Variants in CCDC7 observed in about 807,000 individuals in gnomAD.
CCDC7 encodes coiled-coil domain-containing protein 7.
In CCDC7, 183 loss-of-function variants were observed where a neutral mutation model predicts 196.9. The ratio of observed to expected loss-of-function variants is 0.93; its 90% CI spans 0.82 to 1.05. The LOEUF (loss-of-function observed/expected upper bound fraction) is 1.05, where lower values mean the gene tolerates loss of function less well. CCDC7 is among the 50% of genes least tolerant of loss of function. CCDC7 has a pLI of 0.00. For missense variants in CCDC7, 1,540 were observed against 1,482.2 expected (o/e 1.04, Z -0.64); for synonymous variants, 525 against 484.6 (o/e 1.08, Z -1.10).
chr10:32,736,372 G>T (rs1048190996), intron 28 of CCDC7, among the ~76,000 whole-genome samples: 7 of 151,680 alleles, frequency 4.6e-5, no homozygotes, highest in Non-Finnish European at 1.0e-4. Context: ...TCCTTTTTTT[G>T]TGGTTAATAT....
chr10:32,760,090 A>G (rs2133816842), intron 28 of CCDC7, among the ~76,000 whole-genome samples: 1 of 152,306 alleles, frequency 6.6e-6, no homozygotes, highest in African/African-American at 2.4e-5. Flanking sequence ...AAAAGTCAGC[A>G]AACAACAGGT....
chr10:32,644,509 G>A (rs2067404877), intron 20 of CCDC7, among the ~76,000 whole-genome samples: 1 of 152,118 alleles, frequency 6.6e-6, no homozygotes, highest in Non-Finnish European at 1.5e-5. Context: ...CATCCATGTT[G>A]TTGCAAATGA....
chr10:32,831,122 C>G (rs1402147594), intron 32 of CCDC7, among the ~76,000 whole-genome samples: 1 of 152,184 alleles, frequency 6.6e-6, no homozygotes, highest in Non-Finnish European at 1.5e-5. Context: ...TGCTCCTAGG[C>G]TACAGACTTG....
At chr10:32,494,550 C>A (rs1589165354) in intron 9 of CCDC7, among the ~76,000 whole-genome samples, 1 of 152,260 alleles carries the variant, frequency 6.6e-6, no homozygotes, top group African/African-American at 2.4e-5. Context: ...CCTCTAGGCC[C>A]CCACCTGCTG....
At chr10:32,632,145 G>C (rs959171252) in intron 18 of CCDC7, among the ~76,000 whole-genome samples, 6 of 139,932 alleles carry the variant, frequency 4.3e-5, no homozygotes, top group Admixed American at 1.4e-4. Context: ...TTTTTGGGGG[G>C]GGGGGGGTCT....
intron 31 of CCDC7, among the ~76,000 whole-genome samples, chr10:32,823,287 G>A (rs545196741): frequency 3.1e-4 from 47 of 151,948 alleles, no homozygotes; most frequent in South Asian, 2.1e-4. Flanking sequence ...GGACTAAGGC[G>A]CACGCCACCA....
intron 29 of CCDC7, among the ~76,000 whole-genome samples, chr10:32,784,397 A>C (rs1192164365): frequency 1.3e-5 from 2 of 151,668 alleles, no homozygotes; most frequent in Non-Finnish European, 2.9e-5. Flanking sequence ...CCTCTGACAG[A>C]CCCCAGTGTG....
chr10:32,559,392 A>G (rs1253905243), intron 13 of CCDC7, among the ~76,000 whole-genome samples: 3 of 152,178 alleles, frequency 2.0e-5, no homozygotes, highest in Non-Finnish European at 4.4e-5. Context: ...CTGACCCCTG[A>G]CCCCAGAGCA....
At chr10:32,450,062 G>C (rs2032619541), upstream of CCDC7, among the ~76,000 whole-genome samples, 1 of 152,238 alleles carries the variant, frequency 6.6e-6, no homozygotes, top group Non-Finnish European at 1.5e-5. Flanking sequence ...TAGTGCTGCT[G>C]TAACAAAGTA....
intron 28 of CCDC7, among the ~76,000 whole-genome samples, chr10:32,777,018 T>C (rs1248163840): frequency 6.6e-6 from 1 of 152,172 alleles, no homozygotes; most frequent in Non-Finnish European, 1.5e-5. Flanking sequence ...CCAGATAGCA[T>C]AATACCCAAG....
chr10:32,666,604 C>T (rs1448293285), intron 21 of CCDC7, among the ~76,000 whole-genome samples: 1 of 148,554 alleles, frequency 6.7e-6, no homozygotes, highest in Middle Eastern at 3.3e-3. Context: ...TCAATTCCTA[C>T]CTATGAGTGA....
intron 18 of CCDC7, among the ~76,000 whole-genome samples, chr10:32,613,545 C>CA (rs1451189444): frequency 6.6e-6 from 1 of 152,128 alleles, no homozygotes; most frequent in African/African-American, 2.4e-5. Context: ...CTCATGTGGG[C>CA]ATTTAGTGCT....
At chr10:32,857,291 C>T (rs550058369) in intron 41 of CCDC7, among the ~76,000 whole-genome samples, 11 of 152,232 alleles carry the variant, frequency 7.2e-5, no homozygotes, top group African/African-American at 2.4e-4. Context: ...AACTAAAGAC[C>T]TTCAGCACTT....
chr10:32,557,641 T>G (rs764277111), intron 13 of CCDC7, among the ~76,000 whole-genome samples: 38 of 152,212 alleles, frequency 2.5e-4, no homozygotes, highest in Non-Finnish European at 4.1e-4. Context: ...GCTCATACAT[T>G]AAATTTTTAA....
At chr10:32,610,029 AGTGTGTGT>A (rs113353807) in intron 18 of CCDC7, among the ~76,000 whole-genome samples, 1 of 146,328 alleles carries the variant, frequency 6.8e-6, no homozygotes, top group African/African-American at 2.5e-5. Context: ...TGTATGTATG[AGTGTGTGT>A]GTGTGTGTGT....
chr10:32,762,632 A>T (rs2077630967), intron 28 of CCDC7, among the ~76,000 whole-genome samples: 1 of 150,966 alleles, frequency 6.6e-6, no homozygotes, highest in Admixed American at 6.6e-5. Flanking sequence ...AAATATTTTT[A>T]AAAAACAACT....
chr10:32,779,630 G>C (rs938624791), intron 29 of CCDC7, among the ~76,000 whole-genome samples: 1 of 152,202 alleles, frequency 6.6e-6, no homozygotes. Flanking sequence ...AAAGTGTTCT[G>C]TGGTAGCTTT....
At chr10:32,579,823 T>C (rs1007244180) in intron 16 of CCDC7, among the ~76,000 whole-genome samples, 3 of 152,106 alleles carry the variant, frequency 2.0e-5, no homozygotes, top group African/African-American at 7.2e-5. Context: ...CACTGAGATA[T>C]TGGCCATTTC....
intron 9 of CCDC7, among the ~76,000 whole-genome samples, chr10:32,497,452 C>T (rs149864055): frequency 0.04 from 6,164 of 152,222 alleles, 132 homozygotes; most frequent in Middle Eastern, 0.051. Context: ...TTTGTTTGCT[C>T]TCGCTTCTCT....
Sources: gnomAD v4.1 joint callset for allele counts (sites outside exome capture counted in the v4.1 genomes callset) on GRCh38, gnomAD v4.1.1 for gene constraint, MANE v1.5 for transcripts, NCBI Gene and HGNC (gene_info 2026-07-23, HGNC 2026-07-21) for gene names.